The following CDH23 variants were observed in gnomAD, a reference collection of about 807,000 sequenced individuals.
CDH23 encodes the protein cadherin related 23.
Under a neutral mutation model 317.1 loss-of-function variants are expected in CDH23, and 189 were observed. The observed-to-expected ratio is 0.60, with a 90% CI of 0.53 to 0.67. The LOEUF (loss-of-function observed/expected upper bound fraction) is 0.67, where lower values mean the gene tolerates loss of function less well. CDH23 is among the 30% of genes least tolerant of loss of function. The probability of loss-of-function intolerance (pLI) is 0.00; values close to 1 mark genes in which losing one functional copy is unlikely to be tolerated. For synonymous variants in CDH23, 1,839 were observed against 1,876.8 expected (o/e 0.98, Z 0.52); for missense variants, 4,401 against 4,592.4 (o/e 0.96, Z 1.20).
chr10:71,731,905 A>G, intron 31 of CDH23, 82 bp from the exon 32 acceptor site: 1 of 1,455,680 alleles, frequency 6.9e-7, no homozygotes, highest in East Asian at 2.4e-5. Flanking sequence ...CCCAGGGGGT[A>G]TGGGTGTGGC....
chr10:71,776,698 TGCTATGAAAGGGGGAC>T (rs1840822188), intron 38 of CDH23, among the ~76,000 whole-genome samples: 2 of 152,038 alleles, frequency 1.3e-5, no homozygotes, highest in Admixed American at 1.3e-4. Flanking sequence ...TGAAAGCTGG[TGCTATGAAAGGGGGAC>T]CCCTGTCCCC....
chr10:71,707,428 CCTTGG>C, intron 26 of CDH23: 1 of 1,268,054 alleles, frequency 7.9e-7, no homozygotes, highest in Non-Finnish European at 1.0e-6. Flanking sequence ...CCTCATCCTT[CCTTGG>C]GGACCTGTTG....
chr10:71,518,003 T>C (rs1854438336), intron 6 of CDH23, among the ~76,000 whole-genome samples: 1 of 152,128 alleles, frequency 6.6e-6, no homozygotes, highest in Admixed American at 6.5e-5. Flanking sequence ...CTGGTAGTGG[T>C]GAAGCGACAT....
At chr10:71,636,949 C>T (rs904306368) in intron 11 of CDH23, among the ~76,000 whole-genome samples, 2 of 152,028 alleles carry the variant, frequency 1.3e-5, no homozygotes, top group Non-Finnish European at 2.9e-5. Flanking sequence ...AAGCAGTGTC[C>T]TCTGCCAGGC....
intron 57 of CDH23, among the ~76,000 whole-genome samples, chr10:71,806,669 C>T (rs1459619724): frequency 1.3e-5 from 2 of 151,874 alleles, no homozygotes; most frequent in African/African-American, 4.8e-5. Flanking sequence ...AACCTCCACC[C>T]GGGTTCAAGT....
chr10:71,746,890 G>T (rs370663216), intron 38 of CDH23, among the ~76,000 whole-genome samples: 1 of 152,200 alleles, frequency 6.6e-6, no homozygotes, highest in Non-Finnish European at 1.5e-5. Context: ...GCCCCGTGAC[G>T]GTCTATGAGC....
At position 71,540,200 on chromosome 10, in the gene CDH23, G is replaced by A. The variant is rs576608421; in HGVS notation, c.430-26542G>A. Reference sequence around the variant, plus strand: ...GGAGCTGGAGGGGGCCGAGGCTCACGTGCAGACCAGAGTGCACAATCCTCC... The same window carrying A: ...GGAGCTGGAGGGGGCCGAGGCTCACATGCAGACCAGAGTGCACAATCCTCC... On this transcript the variant is annotated intron_variant, in intron 6 of 69. Transcript: ENST00000224721. 1.4e-4 allele frequency among the ~76,000 whole-genome samples: 21 copies of A among 152,286 alleles called. 2 individuals are homozygous for A. In the South Asian group the frequency reaches 3.7e-3, roughly 27 times the overall value.
At chr10:71,592,328 T>G (rs555869633) in intron 9 of CDH23, among the ~76,000 whole-genome samples, 2 of 151,730 alleles carry the variant, frequency 1.3e-5, no homozygotes, top group East Asian at 3.9e-4. Context: ...TCATTTCCTA[T>G]AGTTGCCATA....
At chr10:71,400,548 C>G (rs950637550) in intron 1 of CDH23, among the ~76,000 whole-genome samples, 2 of 152,210 alleles carry the variant, frequency 1.3e-5, no homozygotes, top group African/African-American at 4.8e-5. Context: ...ACCTATAATC[C>G]TAGCACTTTC....
rs372427462 is a variant in CDH23 at position 71,536,528 on chromosome 10, G to C, written c.429+25316G>C. ...CATGACACAAATGAGAGTAGGCTGG[G>C]AGGAGGACGATCACGAAAACAGGAA... On this transcript the variant is annotated intron_variant, in intron 6 of 69. Transcript: ENST00000224721. Among the ~76,000 whole-genome samples the C allele has an allele frequency of 1.7e-4, 26 of 152,334 alleles. No homozygotes were observed. The Middle Eastern group carries it at 0.01, about 60-fold the overall frequency.
chr10:71,783,464 A>C (rs1329826932), intron 41 of CDH23, among the ~76,000 whole-genome samples: 1 of 152,232 alleles, frequency 6.6e-6, no homozygotes, highest in Non-Finnish European at 1.5e-5. Context: ...GAGTGCAGAC[A>C]AGTGGTAACC....
chr10:71,527,314 C>T (rs1356878172), intron 6 of CDH23, among the ~76,000 whole-genome samples: 3 of 152,238 alleles, frequency 2.0e-5, no homozygotes, highest in Non-Finnish European at 4.4e-5. Context: ...CCCCCAAGTG[C>T]TAAATCATGA....
chr10:71,605,278 G>A (rs1860466455), intron 9 of CDH23, among the ~76,000 whole-genome samples: 1 of 151,610 alleles, frequency 6.6e-6, no homozygotes, highest in African/African-American at 2.4e-5. Context: ...GACAACAAAT[G>A]TAATTCAGAT....
At position 71,807,618 on chromosome 10, in the gene CDH23, A is replaced by G. The variant is rs137853912; in HGVS notation, c.8411A>G (p.Lys2804Arg). The G allele has an allele frequency of 1.8e-5, 29 of 1,613,868 alleles. No homozygotes were observed. The African/African-American group carries it at 3.7e-4, about 21-fold the overall frequency. ...GAAGCCATCTTCTCCTTCATCGTCA[A>G]GGCCTCCAGCAATCGCAGCTGGACA... ...EREAIFSFIV[K>R]ASSNRSWTPP... is the part of the protein sequence containing the mutation. The change falls in exon 59 of 70, where the codon AAG becomes AGG. Residue 2804 changes from lysine (K) to arginine (R), a missense_variant. By Grantham distance (26) the Lys-to-Arg change is conservative (BLOSUM62 2). Transcript: ENST00000224721.
intron 38 of CDH23, among the ~76,000 whole-genome samples, chr10:71,743,213 A>G (rs1054540657): frequency 6.6e-6 from 1 of 152,218 alleles, no homozygotes; most frequent in Non-Finnish European, 1.5e-5. Context: ...GTCACACTGC[A>G]AAGAGTGTGG....
chr10:71,460,250 C>T (rs1850912722), intron 3 of CDH23, among the ~76,000 whole-genome samples: 1 of 152,224 alleles, frequency 6.6e-6, no homozygotes, highest in African/African-American at 2.4e-5. Context: ...GGGTCCCCAC[C>T]TACCATCTTC....
At chr10:71,677,434 C>G in intron 15 of CDH23, 22 bp from the exon 16 acceptor site, 1 of 1,576,220 alleles carries the variant, frequency 6.3e-7, no homozygotes, top group Non-Finnish European at 8.6e-7. Context: ...TTCCTTCTCT[C>G]CATCCTCTCG....
intron 9 of CDH23, among the ~76,000 whole-genome samples, chr10:71,579,856 C>A (rs571031016): frequency 1.3e-5 from 2 of 152,120 alleles, no homozygotes; most frequent in African/African-American, 4.8e-5. Context: ...GAGGGAACAC[C>A]GGTGAGCCCT....
intron 27 of CDH23, among the ~76,000 whole-genome samples, chr10:71,709,505 G>C (rs1865899794): frequency 6.6e-6 from 1 of 152,260 alleles, no homozygotes; most frequent in Admixed American, 6.5e-5. Flanking sequence ...TGACATAAGA[G>C]TATTGGGCAG....
Sources: allele counts gnomAD v4.1 joint callset (sites outside exome capture counted in the v4.1 genomes callset), GRCh38; gene constraint gnomAD v4.1.1; transcripts MANE v1.5; gene names NCBI Gene and HGNC (gene_info 2026-07-23, HGNC 2026-07-21).